RBFOX1: variants seen among roughly 807,000 people sequenced by gnomAD.
The protein encoded by RBFOX1 is RNA binding protein fox-1 homolog 1.
RBFOX1 carries 8 observed loss-of-function variants against 57.7 expected under a neutral mutation model. The observed-to-expected ratio is 0.14, with a 90% CI of 0.08 to 0.25. The LOEUF (loss-of-function observed/expected upper bound fraction) is 0.25, where lower values mean the gene tolerates loss of function less well. RBFOX1 is among the 10% of genes least tolerant of loss of function. RBFOX1 has a pLI of 1.00. For synonymous variants in RBFOX1, 326 were observed against 222.4 expected, an observed-to-expected ratio of 1.47 and a Z score of -4.15; for missense variants, 611 against 548.5, an observed-to-expected ratio of 1.11 and a Z score of -1.14.
At chr16:7,470,288 C>T (rs182960965) in intron 4 of RBFOX1, among the ~76,000 whole-genome samples, 1 of 152,172 alleles carries the variant, frequency 6.6e-6, no homozygotes, top group African/African-American at 2.4e-5. Context: ...TGCAGGTGCC[C>T]TGCCAGTAAG....
chr16:6,804,603 A>C (rs946259989), intron 3 of RBFOX1, among the ~76,000 whole-genome samples: 1 of 152,206 alleles, frequency 6.6e-6, no homozygotes, highest in Non-Finnish European at 1.5e-5. Context: ...ATTAATATCA[A>C]GTTTCACAAT....
chr16:6,901,575 C>A (rs957906837), intron 3 of RBFOX1, among the ~76,000 whole-genome samples: 1 of 152,158 alleles, frequency 6.6e-6, no homozygotes. Flanking sequence ...ATGTTCAACT[C>A]CTCAATTATG....
At chr16:5,423,197 T>C (rs187372786) in intron 1 of RBFOX1, among the ~76,000 whole-genome samples, 53 of 152,102 alleles carry the variant, frequency 3.5e-4, no homozygotes, top group Middle Eastern at 3.4e-3. Flanking sequence ...TAGAGTCCCA[T>C]GAATATTTTC....
intron 2 of RBFOX1, among the ~76,000 whole-genome samples, chr16:5,482,846 A>G (rs898625614): frequency 6.6e-6 from 1 of 152,162 alleles, no homozygotes; most frequent in Non-Finnish European, 1.5e-5. Context: ...AAAATGGGGC[A>G]TTCATTTCTT....
intron 4 of RBFOX1, among the ~76,000 whole-genome samples, chr16:7,498,612 C>G (rs999762380): frequency 3.9e-5 from 6 of 152,288 alleles, no homozygotes; most frequent in African/African-American, 1.2e-4. Context: ...CAAACTGACA[C>G]TACTAAAGAG....
At chr16:7,012,331 A>T (rs2093691442) in intron 3 of RBFOX1, among the ~76,000 whole-genome samples, 2 of 152,212 alleles carry the variant, frequency 1.3e-5, no homozygotes, top group African/African-American at 4.8e-5. Flanking sequence ...ACTACTAGTG[A>T]CAGACCTGGG....
intron 3 of RBFOX1, among the ~76,000 whole-genome samples, chr16:7,025,076 A>C (rs1035544415): frequency 6.6e-6 from 1 of 152,170 alleles, no homozygotes; most frequent in African/African-American, 2.4e-5. Context: ...GTGTCTGTAG[A>C]GTGAAGCGAA....
intron 4 of RBFOX1, among the ~76,000 whole-genome samples, chr16:5,879,462 C>T (rs955124311): frequency 1.3e-5 from 2 of 152,078 alleles, no homozygotes; most frequent in South Asian, 2.1e-4. Context: ...CCTAGGTAAC[C>T]GGGACTACAG....
intron 8 of RBFOX1, among the ~76,000 whole-genome samples, chr16:7,596,646 A>G (rs958540261): frequency 1.3e-5 from 2 of 151,940 alleles, no homozygotes; most frequent in Non-Finnish European, 2.9e-5. Flanking sequence ...TTGATGCTCT[A>G]TTTTTTTGGA....
chr16:6,729,668 C>T (rs956799854), intron 3 of RBFOX1, among the ~76,000 whole-genome samples: 3 of 152,068 alleles, frequency 2.0e-5, no homozygotes, highest in African/African-American at 7.2e-5. Flanking sequence ...ACTTGCAACC[C>T]TTAATATATG....
chr16:6,636,880 A>T (rs1326133099), intron 2 of RBFOX1, among the ~76,000 whole-genome samples: 1 of 132,664 alleles, frequency 7.5e-6, no homozygotes, highest in African/African-American at 2.8e-5. Context: ...TATGTTTAAT[A>T]TATTTATATG....
chr16:6,168,493 A>G (rs2096934265), intron 1 of RBFOX1, among the ~76,000 whole-genome samples: 1 of 152,222 alleles, frequency 6.6e-6, no homozygotes, highest in Admixed American at 6.5e-5. Flanking sequence ...CATGATCTGC[A>G]ATGAGCCTAT....
At chr16:5,930,921 G>C (rs981693701) in intron 4 of RBFOX1, among the ~76,000 whole-genome samples, 2 of 142,932 alleles carry the variant, frequency 1.4e-5, no homozygotes, top group South Asian at 2.4e-4. Flanking sequence ...TGCATGGTTG[G>C]GTAGGTGGGA....
chr16:5,737,683 C>G (rs952311841), intron 3 of RBFOX1, among the ~76,000 whole-genome samples: 1 of 151,948 alleles, frequency 6.6e-6, no homozygotes, highest in Non-Finnish European at 1.5e-5. Context: ...GTCTCCGTAC[C>G]TAAACAACCC....
chr16:5,519,591 G>A (rs973976300), intron 2 of RBFOX1, among the ~76,000 whole-genome samples: 2 of 152,142 alleles, frequency 1.3e-5, no homozygotes, highest in African/African-American at 4.8e-5. Flanking sequence ...CAGGTGTGGT[G>A]GTGTATACCT....
At chr16:7,328,014 T>G (rs2096634321) in intron 4 of RBFOX1, among the ~76,000 whole-genome samples, 1 of 152,250 alleles carries the variant, frequency 6.6e-6, no homozygotes, top group East Asian at 1.9e-4. Context: ...TCTCTTTCAT[T>G]GACGTCTAAA....
At chr16:7,153,235 G>C (rs922830308) in intron 4 of RBFOX1, among the ~76,000 whole-genome samples, 24 of 152,062 alleles carry the variant, frequency 1.6e-4, no homozygotes, top group Non-Finnish European at 2.5e-4. Flanking sequence ...TTTGAGTCTG[G>C]TAATGTCTCT....
intron 12 of RBFOX1, among the ~76,000 whole-genome samples, chr16:7,654,443 T>C (rs534999982): frequency 2.3e-4 from 35 of 152,320 alleles, no homozygotes; most frequent in Admixed American, 1.2e-3. Context: ...TTGAGTCACA[T>C]GCAAACATAC....
Position 6,715,772 on chromosome 16 carries a change from T to G in RBFOX1, c.-16+61122T>G, listed in dbSNP as rs544300204. On this transcript the variant is annotated intron_variant, in intron 3 of 15. Coordinates refer to ENST00000550418, the MANE Select transcript of RBFOX1 (RefSeq NM_018723.4). ...GCAAGAAGTGAATTATGTGGAAGAA[T>G]CCATTTTAAACCCTTTCAGCTACAC... Among the ~76,000 whole-genome samples, 91 of 152,282 alleles carry G rather than the reference T, an allele frequency of 6.0e-4. 1 individual carries two copies. In the South Asian group the frequency reaches 0.017, roughly 28 times the overall value.
Sources: gnomAD v4.1 joint callset for allele counts (sites outside exome capture counted in the v4.1 genomes callset) on GRCh38, gnomAD v4.1.1 for gene constraint, MANE v1.5 for transcripts, NCBI Gene and HGNC (gene_info 2026-07-23, HGNC 2026-07-21) for gene names.